SPAG16: variants seen among roughly 807,000 people sequenced by gnomAD.
SPAG16 encodes sperm associated antigen 16, also known as sperm-associated antigen 16 protein.
In SPAG16, 86 loss-of-function variants were observed where a neutral mutation model predicts 80.4. That is an observed-to-expected ratio of 1.07 (90% CI 0.90 to 1.28). The LOEUF (loss-of-function observed/expected upper bound fraction) is 1.28. Ranked by LOEUF, SPAG16 falls within the 50% of genes most tolerant of loss-of-function variation. SPAG16 has a pLI of 0.00. For synonymous variants in SPAG16, 294 were observed against 265.9 expected (o/e 1.11, Z -1.03); for missense variants, 870 against 765.3 (o/e 1.14, Z -1.61).
chr2:214,261,190 C>T lies in SPAG16; in HGVS notation c.1720+111924C>T, dbSNP rs187697425. 1.0e-3 allele frequency among the ~76,000 whole-genome samples: 148 copies of T among 146,468 alleles called. 2 individuals carry two copies. The highest frequency in any genetic ancestry group is 3.5e-3 in the African/African-American group (137 of 38,972). The stretch of plus-strand genomic sequence containing the variant: ...AGATTTTGCTGCTGCATTCCTGAAA[C>T]TCCCTCAGGACTGTAAATACCTCCC... On this transcript the variant is annotated intron_variant, in intron 15 of 15. Transcript: ENST00000331683.
At chr2:214,356,209 T>C (rs1459916290) in intron 15 of SPAG16, among the ~76,000 whole-genome samples, 1 of 150,986 alleles carries the variant, frequency 6.6e-6, no homozygotes, top group Non-Finnish European at 1.5e-5. Flanking sequence ...ATTTAAAAAA[T>C]GAGAAAAAAA....
rs937775146 is a variant in SPAG16 at position 214,039,339 on chromosome 2, T to C, written c.1527+25262T>C. Among the ~76,000 whole-genome samples the C allele has an allele frequency of 1.3e-5, 2 of 152,236 alleles. 1 individual carries two copies. The highest frequency in any genetic ancestry group is 4.8e-5 in the African/African-American group (2 of 41,460). ...TGTGTCTTTTGGCTGCATAAATGTC[T>C]TCTTTTGAGAAGTGTCTGTTCACAT... On this transcript the variant is annotated intron_variant, in intron 13 of 15. Coordinates refer to ENST00000331683, the MANE Select transcript of SPAG16 (RefSeq NM_024532.5).
At chr2:213,702,151 A>G (rs951662343) in intron 10 of SPAG16, among the ~76,000 whole-genome samples, 3 of 152,212 alleles carry the variant, frequency 2.0e-5, no homozygotes, top group Non-Finnish European at 4.4e-5. Context: ...AAACACTCCA[A>G]TCAGCTCTCT....
chr2:213,451,168 A>G (rs1295906271), intron 9 of SPAG16, among the ~76,000 whole-genome samples: 2 of 152,228 alleles, frequency 1.3e-5, no homozygotes, highest in African/African-American at 2.4e-5. Flanking sequence ...CTCATTATGT[A>G]TATAAATAGG....
intron 12 of SPAG16, among the ~76,000 whole-genome samples, chr2:213,930,974 G>A (rs1398967821): frequency 2.6e-5 from 4 of 152,150 alleles, no homozygotes; most frequent in South Asian, 2.1e-4. Flanking sequence ...CTGAGGTTCC[G>A]TTTTGAAGGT....
intron 14 of SPAG16, among the ~76,000 whole-genome samples, chr2:214,121,167 A>G (rs943278274): frequency 1.3e-5 from 2 of 151,822 alleles, no homozygotes; most frequent in African/African-American, 2.4e-5. Flanking sequence ...TATCTCCACT[A>G]TGTAGCATAG....
chr2:213,661,517 A>G (rs1228969596), intron 10 of SPAG16, among the ~76,000 whole-genome samples: 1 of 152,188 alleles, frequency 6.6e-6, no homozygotes, highest in Non-Finnish European at 1.5e-5. Context: ...TACCTCGATT[A>G]TACTCAAACT....
chr2:213,707,442 C>T (rs1266826711), intron 10 of SPAG16, among the ~76,000 whole-genome samples: 3 of 152,296 alleles, frequency 2.0e-5, no homozygotes, highest in East Asian at 1.9e-4. Flanking sequence ...CAAAAGTTTC[C>T]ATTTGACTTC....
chr2:213,948,762 A>G (rs760706571), intron 12 of SPAG16, among the ~76,000 whole-genome samples: 2 of 152,130 alleles, frequency 1.3e-5, no homozygotes, highest in African/African-American at 2.4e-5. Context: ...TTACCTTAGA[A>G]TTTATTCTTA....
chr2:214,140,954 T>TGG (rs2055326865), intron 14 of SPAG16, among the ~76,000 whole-genome samples: 1 of 29,108 alleles, frequency 3.4e-5, no homozygotes, highest in Non-Finnish European at 7.1e-5. Flanking sequence ...GGGTGGGGGG[T>TGG]GGGGGGATGT....
intron 12 of SPAG16, among the ~76,000 whole-genome samples, chr2:214,012,279 TATATATA>T (rs1188167987): frequency 0.013 from 788 of 59,328 alleles, 40 homozygotes; most frequent in African/African-American, 0.047. Context: ...TATATATATA[TATATATA>T]TATTTTTTTT....
chr2:214,309,511 T>C (rs938325787), intron 15 of SPAG16, among the ~76,000 whole-genome samples: 1 of 152,146 alleles, frequency 6.6e-6, no homozygotes, highest in African/African-American at 2.4e-5. Context: ...TTCTTTCTCA[T>C]GTTTGTGGGC....
At chr2:213,934,388 C>A (rs1318165694) in intron 12 of SPAG16, among the ~76,000 whole-genome samples, 1 of 152,226 alleles carries the variant, frequency 6.6e-6, no homozygotes, top group African/African-American at 2.4e-5. Context: ...AGTGACACTG[C>A]TGAACCAAAT....
chr2:214,348,014 C>G (rs1005052938), intron 15 of SPAG16, among the ~76,000 whole-genome samples: 9 of 152,146 alleles, frequency 5.9e-5, no homozygotes, highest in African/African-American at 2.2e-4. Flanking sequence ...TTGGGAAATT[C>G]TAGGATCACT....
chr2:214,208,839 T>C (rs938018010), intron 15 of SPAG16, among the ~76,000 whole-genome samples: 2 of 152,088 alleles, frequency 1.3e-5, no homozygotes, highest in African/African-American at 4.8e-5. Flanking sequence ...TTCTATAAAA[T>C]GGGGATTATA....
intron 10 of SPAG16, among the ~76,000 whole-genome samples, chr2:213,695,761 G>A (rs184086040): frequency 5.6e-4 from 86 of 152,302 alleles, no homozygotes; most frequent in Non-Finnish European, 7.2e-4. Flanking sequence ...CTTGGGAAAG[G>A]ACTTGGTGTG....
intron 10 of SPAG16, among the ~76,000 whole-genome samples, chr2:213,836,830 T>A (rs371961705): frequency 1.7e-4 from 26 of 152,092 alleles, no homozygotes; most frequent in Middle Eastern, 3.2e-3. Flanking sequence ...GCCAGGCTGG[T>A]CTCAAACTCC....
chr2:213,289,400 CA>C (rs1428720169), intron 1 of SPAG16, among the ~76,000 whole-genome samples: 2 of 152,158 alleles, frequency 1.3e-5, no homozygotes, highest in East Asian at 3.8e-4. Flanking sequence ...CTATGTAGGA[CA>C]GGGGTGGCCA....
chr2:214,221,579 AG>A (rs1388715622), intron 15 of SPAG16, among the ~76,000 whole-genome samples: 2 of 152,180 alleles, frequency 1.3e-5, no homozygotes, highest in Admixed American at 1.3e-4. Flanking sequence ...CTTTATTAAA[AG>A]AGAGAAACTG....
Sources: gnomAD v4.1 joint callset for allele counts (sites outside exome capture counted in the v4.1 genomes callset) on GRCh38, gnomAD v4.1.1 for gene constraint, MANE v1.5 for transcripts, NCBI Gene and HGNC (gene_info 2026-07-23, HGNC 2026-07-21) for gene names.